The following ATAD2B variants were observed in gnomAD, a reference collection of about 807,000 sequenced individuals.
ATAD2B encodes ATPase family AAA domain-containing protein 2B.
In ATAD2B, 40 loss-of-function variants were observed where a neutral mutation model predicts 167.6. The observed-to-expected ratio is 0.24, with a 90% CI of 0.19 to 0.31. The LOEUF (loss-of-function observed/expected upper bound fraction) is 0.31, where lower values mean the gene tolerates loss of function less well. Ranked by LOEUF, ATAD2B falls within the 10% of genes least tolerant of loss-of-function variation. The probability of loss-of-function intolerance (pLI) is 1.00; values close to 1 mark genes in which losing one functional copy is unlikely to be tolerated. For missense variants in ATAD2B, 1,242 were observed against 1,757.2 expected (o/e 0.71, Z 5.24); for synonymous variants, 579 against 596.5 (o/e 0.97, Z 0.43).
chr2:23,889,215 TG>T (rs2150304368), intron 2 of ATAD2B, among the ~76,000 whole-genome samples: 1 of 152,294 alleles, frequency 6.6e-6, no homozygotes, highest in South Asian at 2.1e-4. Flanking sequence ...TCGCCCAGGC[TG>T]GAGTACAGTG....
intron 7 of ATAD2B, among the ~76,000 whole-genome samples, chr2:23,879,011 A>G (rs1007303407): frequency 2.0e-5 from 3 of 152,204 alleles, no homozygotes; most frequent in African/African-American, 7.2e-5. Flanking sequence ...GAGTATACCA[A>G]TTGTTGGCAA....
chr2:23,741,953 A>G, the ATAD2B span, among the ~76,000 whole-genome samples: 1 of 152,248 alleles, frequency 6.6e-6, no homozygotes, highest in African/African-American at 2.4e-5. Flanking sequence ...ACATGAAAAA[A>G]TGCTCATCAT....
the ATAD2B span, among the ~76,000 whole-genome samples, chr2:23,716,066 A>C: frequency 6.6e-6 from 1 of 152,250 alleles, no homozygotes; most frequent in Non-Finnish European, 1.5e-5. Flanking sequence ...TAAAATAGAA[A>C]TTTGTAATTA....
At chr2:23,770,755 C>T (rs569692198) in intron 22 of ATAD2B, among the ~76,000 whole-genome samples, 1 of 152,274 alleles carries the variant, frequency 6.6e-6, no homozygotes, top group African/African-American at 2.4e-5. Context: ...CTTTTTAAGT[C>T]TTACAATAAA....
At chr2:23,807,942 AATAT>A (rs1244297901) in intron 18 of ATAD2B, among the ~76,000 whole-genome samples, 1 of 126,966 alleles carries the variant, frequency 7.9e-6, no homozygotes, top group Non-Finnish European at 1.6e-5. Context: ...AATATATATA[AATAT>A]ATAAATATTT....
the ATAD2B span, among the ~76,000 whole-genome samples, chr2:23,682,018 A>G: frequency 6.6e-6 from 1 of 150,760 alleles, no homozygotes; most frequent in Non-Finnish European, 1.5e-5. This position sits in a 1 kb window ranked among gnomAD's most constrained non-coding sequence, Gnocchi z 4.1. Flanking sequence ...CAGGTGTCCC[A>G]CAGGCCCCAC....
intron 21 of ATAD2B, among the ~76,000 whole-genome samples, chr2:23,783,571 G>C (rs755604813): frequency 5.3e-5 from 8 of 151,966 alleles, no homozygotes; most frequent in African/African-American, 1.7e-4. Context: ...ATTAAGTATA[G>C]TTTTCCTAAC....
At chr2:23,892,341 T>G (rs1699635734) in intron 2 of ATAD2B, among the ~76,000 whole-genome samples, 1 of 152,066 alleles carries the variant, frequency 6.6e-6, no homozygotes, top group African/African-American at 2.4e-5. Context: ...TTTTTTGTAT[T>G]TTTTAGTAGA....
chr2:23,797,887 T>C (rs996057218), intron 19 of ATAD2B, among the ~76,000 whole-genome samples: 3 of 152,256 alleles, frequency 2.0e-5, no homozygotes, highest in Admixed American at 1.3e-4. Context: ...AATCTGTATA[T>C]ATATAATTCA....
chr2:23,687,599 C>T, the ATAD2B span, among the ~76,000 whole-genome samples: 52 of 152,254 alleles, frequency 3.4e-4, no homozygotes, highest in African/African-American at 9.9e-4. Context: ...GGCAAGGAGA[C>T]GAGCAGAGAC....
intron 17 of ATAD2B, among the ~76,000 whole-genome samples, chr2:23,815,528 C>A (rs1451070700): frequency 6.6e-6 from 1 of 152,148 alleles, no homozygotes; most frequent in Non-Finnish European, 1.5e-5. Flanking sequence ...GGCCACTGGT[C>A]AGGGTCTGAA....
At chr2:23,729,710 AG>A in the ATAD2B span, among the ~76,000 whole-genome samples, 1 of 152,240 alleles carries the variant, frequency 6.6e-6, no homozygotes, top group Non-Finnish European at 1.5e-5. Context: ...TGATGAGAAA[AG>A]CTATATCATC....
chr2:23,926,165 T>C (rs188727564), intron 1 of ATAD2B, among the ~76,000 whole-genome samples: 89 of 152,222 alleles, frequency 5.8e-4, no homozygotes, highest in African/African-American at 1.7e-3. Context: ...CAAGAAGGGT[T>C]TGACACCGCA....
At chr2:23,798,503 CAA>C (rs199838286) in intron 18 of ATAD2B, among the ~76,000 whole-genome samples, 180 bp from the exon 19 acceptor site, 13 of 133,630 alleles carry the variant, frequency 9.7e-5, no homozygotes, top group Admixed American at 1.5e-4. Flanking sequence ...CTTGCCCCAC[CAA>C]AAAAAAAAAA....
At chr2:23,913,389 C>G (rs1002432279) in intron 1 of ATAD2B, among the ~76,000 whole-genome samples, 12 of 152,296 alleles carry the variant, frequency 7.9e-5, no homozygotes, top group Admixed American at 7.8e-4. Context: ...CCTGTAATCC[C>G]AGCACTTTGG....
chr2:23,926,886 C>G lies in ATAD2B; in HGVS notation c.-116G>C. The G allele has an allele frequency of 7.8e-7, 1 of 1,289,706 alleles. No individual in the cohort carries two copies. Among genetic ancestry groups the G allele is most frequent in the African/African-American group, 1.6e-5 (1 of 63,504 alleles). The allele number at this position is 1,289,706 out of a possible 1,614,324, so 79.9% of individuals were successfully genotyped here. A position where few individuals can be genotyped will look rare whatever the true frequency, so the allele number is the denominator to read the frequency against. On this transcript the variant is annotated 5_prime_UTR_variant, in exon 1 of 28. Transcript: ENST00000238789. ...AGCCGGGCAATGAGAGACGAGCCGG[C>G]CCGGAGCGTGCGGAGCGCAGACGAG...
chr2:23,900,916 T>C lies in ATAD2B; in HGVS notation c.217-4946A>G, dbSNP rs970634565. ...CAGGCAATACAATCTTAAGAATCCT[T>C]AAGTCCAAAAGACTTGCGCCTGATC... On this transcript the variant is annotated intron_variant, in intron 1 of 27. Coordinates refer to ENST00000238789, the MANE Select transcript of ATAD2B (RefSeq NM_017552.4). 3.9e-5 allele frequency: 6 copies of C among 152,688 alleles called. No individual in the cohort carries two copies. In the East Asian group the frequency reaches 1.2e-3, roughly 29 times the overall value. The allele number at this position is 152,688 out of a possible 1,614,324, so 9.5% of individuals were successfully genotyped here.
chr2:23,740,252 A>C, the ATAD2B span, among the ~76,000 whole-genome samples: 2 of 152,360 alleles, frequency 1.3e-5, no homozygotes, highest in Admixed American at 6.5e-5. Context: ...CAACCAAAAA[A>C]GAGAATTTCA....
chr2:23,684,695 CCT>C, the ATAD2B span, among the ~76,000 whole-genome samples: 1 of 152,118 alleles, frequency 6.6e-6, no homozygotes, highest in Non-Finnish European at 1.5e-5. The surrounding 1 kb of genome is among the most constrained non-coding windows in gnomAD (Gnocchi z 4.4). Context: ...TCCCCAGTAC[CCT>C]CTCACACACA....
Sources: gnomAD v4.1 joint callset for allele counts (sites outside exome capture counted in the v4.1 genomes callset) on GRCh38, gnomAD v4.1.1 for gene constraint, Gnocchi (gnomAD v3.1) non-coding constraint, MANE v1.5 for transcripts, NCBI Gene and HGNC (gene_info 2026-07-23, HGNC 2026-07-21) for gene names.